Variants in SOS2 observed in about 807,000 individuals in gnomAD.
SOS2 encodes SOS Ras/Rho guanine nucleotide exchange factor 2.
In SOS2, 65 loss-of-function variants were observed where a neutral mutation model predicts 148.2. The ratio of observed to expected loss-of-function variants is 0.44; its 90% confidence interval spans 0.36 to 0.54. SOS2 has a LOEUF of 0.54. Among genes scored for constraint, SOS2 ranks in the 20% least tolerant of loss-of-function variants. The pLI, the probability that SOS2 is intolerant of heterozygous loss-of-function variation, is 0.00. For missense variants in SOS2, 1,341 were observed against 1,590.2 expected (o/e 0.84, Z 2.67); for synonymous variants, 539 against 537.1 (o/e 1.00, Z -0.05).
intron 18 of SOS2, 45 bp downstream of exon 18, chr14:50,138,567 C>A (rs1227742825): frequency 3.2e-6 from 3 of 948,696 alleles, no homozygotes; most frequent in Non-Finnish European, 4.6e-6. Context: ...TTTTTGGTAC[C>A]CATTAACACG....
In SOS2 at chr14:50,145,298, C is replaced by A; in HGVS notation, c.2539G>T (p.Val847Leu). 3 of 1,602,672 alleles carry A rather than the reference C, an allele frequency of 1.9e-6. No homozygotes were observed. The highest frequency in any genetic ancestry group is 2.2e-5 in the East Asian group (1 of 44,766). The change falls in exon 16 of 23, where the codon GTG becomes TTG. Residue 847 changes from valine to leucine, a missense_variant. Physicochemically the swap from Val to Leu is conservative, Grantham distance 32. Around this residue, in one of 4 missense-constraint regions of SOS2, gnomAD observed 408 missense variants for 506.6 expected, o/e 0.81. Coordinates refer to ENST00000216373, the MANE Select transcript of SOS2 (RefSeq NM_006939.4). Reference protein sequence around the residue: ...IVEAENFEERVAVLSRIIEIL... With the variant: ...IVEAENFEERLAVLSRIIEIL... ...TCTATAATTCTACTTAGTACTGCCACCCGTTCTTCAAAATTTTCTGCTTCC... is the reference window on the plus strand; with the variant it reads ...TCTATAATTCTACTTAGTACTGCCAACCGTTCTTCAAAATTTTCTGCTTCC...
intron 21 of SOS2, among the ~76,000 whole-genome samples, chr14:50,122,284 A>G (rs1566816181): frequency 6.6e-6 from 1 of 152,274 alleles, no homozygotes; most frequent in South Asian, 2.1e-4. Context: ...TGAACAAAGA[A>G]GCACACAACC....
chr14:50,150,882 T>C (rs1342216209), intron 13 of SOS2, among the ~76,000 whole-genome samples: 3 of 152,072 alleles, frequency 2.0e-5, no homozygotes, highest in Non-Finnish European at 4.4e-5. Context: ...ACTACCATGC[T>C]TGGCTAATTT....
intron 4 of SOS2, among the ~76,000 whole-genome samples, chr14:50,189,331 CAAAAA>C (rs761860061): frequency 3.2e-5 from 1 of 31,486 alleles, no homozygotes; most frequent in Non-Finnish European, 6.6e-5. Flanking sequence ...CACATAATAG[CAAAAA>C]AAAAAAAAAA....
intron 8 of SOS2, among the ~76,000 whole-genome samples, chr14:50,167,433 G>C (rs569623865): frequency 1.3e-4 from 20 of 152,234 alleles, no homozygotes; most frequent in South Asian, 2.1e-4. Flanking sequence ...TACTCGGGAA[G>C]CTGAGATGGG....
chr14:50,214,325 AT>A (rs1270180156), intron 1 of SOS2, among the ~76,000 whole-genome samples: 2 of 151,852 alleles, frequency 1.3e-5, no homozygotes, highest in African/African-American at 4.8e-5. Flanking sequence ...AAAAAAAAAA[AT>A]CAGGCTTTCT....
chr14:50,176,157 T>C (rs970488131), intron 7 of SOS2, among the ~76,000 whole-genome samples: 5 of 152,218 alleles, frequency 3.3e-5, no homozygotes, highest in African/African-American at 1.2e-4. Flanking sequence ...CTATCCATCA[T>C]GTGAGGACAC....
chr14:50,130,044 TGTAG>T lies in SOS2; in HGVS notation c.3338-46_3338-43del, dbSNP rs779127614. 4.0e-6 allele frequency: 5 copies of T among 1,251,486 alleles called. No individual in the cohort carries two copies. The East Asian group carries it at 7.0e-5, about 17-fold the overall frequency. 77.5% of individuals were successfully genotyped at this position (1,251,486 alleles called of 1,614,324 possible). A position where few individuals can be genotyped will look rare whatever the true frequency, so the allele number is the denominator to read the frequency against. On this transcript the variant is annotated intron_variant, in intron 20 of 22. Coordinates refer to ENST00000216373, the MANE Select transcript of SOS2 (RefSeq NM_006939.4). ...AATTAATTTGAAAAGGAAGGTAACA[TGTAG>T]GTATTATTTTTTAAATGTTTCCATA...
intron 18 of SOS2, among the ~76,000 whole-genome samples, chr14:50,136,939 T>C (rs1884101027): frequency 6.6e-6 from 1 of 152,178 alleles, no homozygotes; most frequent in Admixed American, 6.5e-5. Context: ...CTTAGGACTT[T>C]AGGGTACTTT....
chr14:50,139,334 T>C (rs1431927318), intron 17 of SOS2, among the ~76,000 whole-genome samples: 1 of 152,164 alleles, frequency 6.6e-6, no homozygotes. Flanking sequence ...TTTAAATTGG[T>C]GGTTCTCAGC....
intron 1 of SOS2, among the ~76,000 whole-genome samples, chr14:50,222,045 A>G (rs1887219358): frequency 6.6e-6 from 1 of 152,150 alleles, no homozygotes; most frequent in African/African-American, 2.4e-5. Context: ...AAAAAGGACA[A>G]TGTAAAATTT....
chr14:50,150,134 T>C lies in SOS2; in HGVS notation c.2258A>G (p.Glu753Gly), dbSNP rs1294013242. 6.2e-7 allele frequency: 1 copy of C among 1,613,376 alleles called. No individual in the cohort carries two copies. The highest frequency in any genetic ancestry group is 8.5e-7 in the Non-Finnish European group (1 of 1,179,288). Reference sequence around the variant, plus strand: ...CCATTCAATTGGTGGAGGTGGACTTTCAAAGGTAATATTATGGCTTACTCC... The same window carrying C: ...CCATTCAATTGGTGGAGGTGGACTTCCAAAGGTAATATTATGGCTTACTCC... ...ANGVSHNITF[E>G]SPPPPIEWHI... Residue 753 changes from glutamate to glycine, a missense_variant, in exon 14 of 23, where the codon GAA becomes GGA. Glu to Gly is a moderately conservative substitution (Grantham distance 98, BLOSUM62 -2). Transcript: ENST00000216373.
chr14:50,175,571 C>G (rs1885497774), intron 7 of SOS2, among the ~76,000 whole-genome samples: 1 of 151,432 alleles, frequency 6.6e-6, no homozygotes, highest in Non-Finnish European at 1.5e-5. Flanking sequence ...TAAACAAGAT[C>G]TCCGAAGACT....
rs1376460738 is a variant in SOS2, at chr14:50,180,587, A to T, written c.954T>A (p.Val318=). The change falls in exon 7 of 23, where the codon GTT becomes GTA. Residue 318 remains valine, a synonymous_variant. Coordinates refer to ENST00000216373, the MANE Select transcript of SOS2 (RefSeq NM_006939.4). ...HFNKLMARPA[V]ALHFQSIADG... is the part of the protein sequence containing the mutation. The stretch of plus-strand genomic sequence containing the variant: ...TTAAGTTTACCTGAAAGTGTAGAGC[A>T]ACTGCAGGTCTGGCCATCAATTTAT... The T allele has an allele frequency of 3.3e-6, 5 of 1,501,046 alleles. No homozygotes were observed. Among genetic ancestry groups the T allele is most frequent in the Non-Finnish European group, 4.6e-6 (5 of 1,098,522 alleles). 93.0% of individuals were successfully genotyped at this position (1,501,046 alleles called of 1,614,324 possible).
chr14:50,127,714 T>TA (rs1291441490), intron 21 of SOS2, among the ~76,000 whole-genome samples: 4 of 152,108 alleles, frequency 2.6e-5, no homozygotes, highest in Non-Finnish European at 5.9e-5. Flanking sequence ...GCTCTAAGTT[T>TA]AAAAAAAGAT....
At chr14:50,219,711 G>A (rs10139864) in intron 1 of SOS2, among the ~76,000 whole-genome samples, 133,015 of 152,208 alleles carry the variant, frequency 0.87, 58,233 homozygotes, top group East Asian at 0.91. Context: ...TTACATCCCA[G>A]TAAGGTTTTA....
chr14:50,186,065 T>C (rs144940197), intron 5 of SOS2, among the ~76,000 whole-genome samples: 66 of 152,216 alleles, frequency 4.3e-4, no homozygotes, highest in African/African-American at 1.4e-3. Context: ...TTTGAAAACA[T>C]AGGATGAGGG....
At chr14:50,203,509 C>A (rs551731522) in intron 2 of SOS2, among the ~76,000 whole-genome samples, 1 of 151,992 alleles carries the variant, frequency 6.6e-6, no homozygotes, top group Non-Finnish European at 1.5e-5. Flanking sequence ...CTCTCCCTAA[C>A]AGATATTGCT....
chr14:50,191,064 TG>T (rs1886118518), intron 4 of SOS2, among the ~76,000 whole-genome samples: 1 of 152,200 alleles, frequency 6.6e-6, no homozygotes, highest in Admixed American at 6.5e-5. Flanking sequence ...ATATTAAAAC[TG>T]CTCTCACTAT....
Sources: gnomAD v4.1 joint callset for allele counts (sites outside exome capture counted in the v4.1 genomes callset) on GRCh38, gnomAD v4.1.1 for gene constraint, gnomAD v4.1.1 regional missense constraint, MANE v1.5 for transcripts, NCBI Gene and HGNC (gene_info 2026-07-23, HGNC 2026-07-21) for gene names.